IRF2: variants seen among roughly 807,000 people sequenced by gnomAD.
The protein encoded by IRF2 is interferon regulatory factor 2.
Under a neutral mutation model 40.6 loss-of-function variants are expected in IRF2, and 15 were observed. The ratio of observed to expected loss-of-function variants is 0.37; its 90% CI spans 0.25 to 0.57. The LOEUF is 0.57. Among genes scored for constraint, IRF2 ranks in the 20% least tolerant of loss-of-function variants. The pLI is 0.77. For synonymous variants in IRF2, 151 were observed against 165.5 expected (o/e 0.91, Z 0.67); for missense variants, 317 against 455.7 (o/e 0.70, Z 2.77).
At chr4:184,439,281 A>G (rs1738203113) in intron 1 of IRF2, among the ~76,000 whole-genome samples, 1 of 151,366 alleles carries the variant, frequency 6.6e-6, no homozygotes, top group Non-Finnish European at 1.5e-5. Flanking sequence ...ACTATCCCAA[A>G]ACTGCCTTGC....
chr4:184,411,578 G>A (rs1332494525), intron 5 of IRF2, among the ~76,000 whole-genome samples: 1 of 121,888 alleles, frequency 8.2e-6, no homozygotes, highest in African/African-American at 2.6e-5. Flanking sequence ...ACAGTAAAAC[G>A]GAGCCAGCAC....
rs550381315 is a variant in IRF2 at position 184,399,708 on chromosome 4, C to T, written c.530-629G>A. 2.6e-5 allele frequency among the ~76,000 whole-genome samples: 4 copies of T among 152,330 alleles called. No homozygotes were observed. In the South Asian group the frequency reaches 8.3e-4, roughly 32 times the overall value. ...CGCTCCCAGCTCTCTTCCTGCTCTA[C>T]AGGCAACATGTCCAACTGGCTGAAA... On this transcript the variant is annotated intron_variant, in intron 6 of 8. Coordinates refer to ENST00000393593, the MANE Select transcript of IRF2 (RefSeq NM_002199.4).
At position 184,450,379 on chromosome 4, in the gene IRF2, G is replaced by A. The variant is rs867067263; in HGVS notation, c.-6-21309C>T. On this transcript the variant is annotated intron_variant, in intron 1 of 8. Transcript: ENST00000393593. The stretch of plus-strand genomic sequence containing the variant: ...ATATATTATTGTTATCACGCTACAC[G>A]AAAAATCAGCATCATTTTCCTTAAA... Among the ~76,000 whole-genome samples, 263 of 152,202 alleles carry A rather than the reference G, an allele frequency of 1.7e-3. 1 individual carries two copies. Among genetic ancestry groups the A allele is most frequent in the African/African-American group, 6.1e-3 (253 of 41,542 alleles).
intron 1 of IRF2, among the ~76,000 whole-genome samples, chr4:184,450,891 G>A (rs9685239): frequency 5.3e-4 from 80 of 152,110 alleles, no homozygotes; most frequent in Non-Finnish European, 9.3e-4. Context: ...CATCCACACC[G>A]TCCACTGAGA....
chr4:184,429,057 A>G lies in IRF2; in HGVS notation c.8T>C (p.Val3Ala), dbSNP rs1203492297. 1 of 1,613,218 alleles carries G rather than the reference A, an allele frequency of 6.2e-7. No homozygotes were observed. Among genetic ancestry groups the G allele is most frequent in the Non-Finnish European group, 8.5e-7 (1 of 1,179,518 alleles). The change falls in exon 2 of 9, where the codon GTG (valine) becomes GCG (alanine). Residue 3 changes from valine to alanine, a missense_variant. Physicochemically the swap from Val to Ala is moderately conservative, Grantham distance 64. This residue lies in a region of IRF2 where 55 missense variants were observed against 121.7 expected (regional missense o/e 0.45). Transcript: ENST00000393593. MP[V>A]ERMRMRPWLE... ...CCACGGGCGCATGCGCATCCTTTCC[A>G]CCGGCATGGTGCCCTTGAGGGAGAG...
At chr4:184,473,605 G>GGGCGCGTCGGCCAGGCCC (rs1739608861) in intron 1 of IRF2, among the ~76,000 whole-genome samples, 4 of 147,596 alleles carry the variant, frequency 2.7e-5, no homozygotes, top group Admixed American at 2.0e-4. Context: ...CCAGGAAGCA[G>GGGCGCGTCGGCCAGGCCC]GGCGCGTCGG....
intron 1 of IRF2, among the ~76,000 whole-genome samples, chr4:184,473,619 G>C (rs1199587847): frequency 6.8e-6 from 1 of 147,650 alleles, no homozygotes; most frequent in Non-Finnish European, 1.5e-5. Context: ...GCGTCGGCCA[G>C]GCCCGGCGCC....
At chr4:184,396,285 G>A (rs977037737) in intron 7 of IRF2, among the ~76,000 whole-genome samples, 22 of 152,266 alleles carry the variant, frequency 1.4e-4, no homozygotes, top group African/African-American at 4.8e-4. Context: ...GAGCCCGTGC[G>A]CTGTCCAGGG....
chr4:184,432,300 A>G (rs1253880011), intron 1 of IRF2, among the ~76,000 whole-genome samples: 1 of 152,254 alleles, frequency 6.6e-6, no homozygotes, highest in Non-Finnish European at 1.5e-5. Flanking sequence ...CTGAGGCTGG[A>G]CAAGGCCACA....
chr4:184,412,897 A>T (rs1442834003), intron 5 of IRF2, among the ~76,000 whole-genome samples: 3 of 152,312 alleles, frequency 2.0e-5, no homozygotes, highest in African/African-American at 7.2e-5. Flanking sequence ...GTAAATGACC[A>T]CACATCTGCC....
At chr4:184,393,259 G>C (rs793777) in intron 7 of IRF2, among the ~76,000 whole-genome samples, 56,224 of 152,054 alleles carry the variant, frequency 0.37, 10,581 homozygotes, top group African/African-American at 0.4. Flanking sequence ...TGCTTCCCTG[G>C]TGTTCTGGTC....
chr4:184,417,249 T>C (rs929391735), intron 5 of IRF2, among the ~76,000 whole-genome samples: 45 of 152,238 alleles, frequency 3.0e-4, no homozygotes, highest in African/African-American at 1.0e-3. Flanking sequence ...GTGCATAAAA[T>C]CTTTCCACAA....
rs185428968 is a variant in IRF2, at chr4:184,407,155, A to G, written c.529+1003T>C. The G allele has an allele frequency of 7.4e-5, 95 of 1,284,166 alleles. No individual in the cohort carries two copies. The African/African-American group carries it at 9.3e-4, about 13-fold the overall frequency. 79.5% of individuals were successfully genotyped at this position (1,284,166 alleles called of 1,614,324 possible). A position where few individuals can be genotyped will look rare whatever the true frequency, so the allele number is the denominator to read the frequency against. On this transcript the variant is annotated intron_variant, in intron 6 of 8. Transcript: ENST00000393593. ...TTTTACACTGCCCGGGAGATGGTTTAAATACAAAAAAAGCACTGCTAACCT... is the reference window on the plus strand; with the variant it reads ...TTTTACACTGCCCGGGAGATGGTTTGAATACAAAAAAAGCACTGCTAACCT...
At chr4:184,405,263 A>G (rs1736813335) in intron 6 of IRF2, among the ~76,000 whole-genome samples, 1 of 152,024 alleles carries the variant, frequency 6.6e-6, no homozygotes, top group Non-Finnish European at 1.5e-5. Context: ...ACAAAACAAA[A>G]CAAAACTCAG....
chr4:184,407,044 G>C, intron 6 of IRF2: 1 of 436,452 alleles, frequency 2.3e-6, no homozygotes. Context: ...TTTATTAAAG[G>C]GTGGGGCTGT....
chr4:184,471,593 G>A lies in IRF2; in HGVS notation c.-7+2786C>T, dbSNP rs35541580. On this transcript the variant is annotated intron_variant, in intron 1 of 8. Transcript: ENST00000393593. ...TGCTCTAAAAACAACAGTTTTGTAC[G>A]AGATGATGTTAAGAATAAAAATATA... Among the ~76,000 whole-genome samples, 4 of 152,130 alleles carry A rather than the reference G, an allele frequency of 2.6e-5. No individual in the cohort carries two copies. The East Asian group carries it at 5.8e-4, about 22-fold the overall frequency.
At chr4:184,458,015 C>G (rs916239472) in intron 1 of IRF2, among the ~76,000 whole-genome samples, 57 of 152,146 alleles carry the variant, frequency 3.7e-4, no homozygotes, top group African/African-American at 1.2e-3. Flanking sequence ...GTCCATGCAC[C>G]AGGAACGGAA....
At chr4:184,392,989 T>C (rs186168390) in intron 7 of IRF2, among the ~76,000 whole-genome samples, 1 of 152,200 alleles carries the variant, frequency 6.6e-6, no homozygotes, top group East Asian at 1.9e-4. Flanking sequence ...GAAGATGAGC[T>C]GACGTTGCCG....
chr4:184,399,478 G>C (rs1314506913), intron 6 of IRF2, among the ~76,000 whole-genome samples: 3 of 152,236 alleles, frequency 2.0e-5, no homozygotes, highest in Non-Finnish European at 4.4e-5. Context: ...TGCTCCAAAA[G>C]AAGGCGCTGT....
Sources: gnomAD v4.1 joint callset for allele counts (sites outside exome capture counted in the v4.1 genomes callset) on GRCh38, gnomAD v4.1.1 for gene constraint, gnomAD v4.1.1 regional missense constraint, MANE v1.5 for transcripts, NCBI Gene and HGNC (gene_info 2026-07-23, HGNC 2026-07-21) for gene names.